The following GSE1 variants were observed in gnomAD, a reference collection of about 807,000 sequenced individuals.
GSE1 encodes the protein Gse1 coiled-coil protein, also known as genetic suppressor element 1.
Under a neutral mutation model 112.6 loss-of-function variants are expected in GSE1, and 32 were observed. The ratio of observed to expected loss-of-function variants is 0.28; its 90% confidence interval spans 0.21 to 0.38. The LOEUF is 0.38. Among genes scored for constraint, GSE1 ranks in the 10% least tolerant of loss-of-function variants. The pLI, the probability that GSE1 is intolerant of heterozygous loss-of-function variation, is 1.00. For synonymous variants in GSE1, 1,115 were observed against 735.6 expected (o/e 1.52, Z -8.35); for missense variants, 2,348 against 1,699.2 (o/e 1.38, Z -6.71).
intron 2 of GSE1, among the ~76,000 whole-genome samples, chr16:85,402,291 G>T (rs920729923): frequency 6.6e-6 from 1 of 152,228 alleles, no homozygotes. Context: ...AACCCAAGAC[G>T]CTGAGAAGCT....
At position 85,421,239 on chromosome 16, in the gene GSE1, T is replaced by C. The variant is rs532105084; in HGVS notation, c.2464+63596T>C. Among the ~76,000 whole-genome samples, 5 of 151,408 alleles carry C rather than the reference T, an allele frequency of 3.3e-5. No individual in the cohort carries two copies. In the South Asian group the frequency reaches 1.0e-3, roughly 32 times the overall value. ...TGGACGGGGACCCCCGCCAGCGATT[T>C]GGGCCCAAGACTGGGGTCCCTGGGG... On this transcript the variant is annotated intron_variant, in intron 2 of 2. Coordinates refer to the GSE1 transcript ENST00000637419.
intron 1 of GSE1, among the ~76,000 whole-genome samples, chr16:85,268,018 A>G (rs1307145482): frequency 6.6e-6 from 1 of 152,172 alleles, no homozygotes; most frequent in Non-Finnish European, 1.5e-5. Flanking sequence ...CAAGAGCTCA[A>G]GTCACTGCCT....
At chr16:85,174,504 A>G (rs917861721) in intron 1 of GSE1, among the ~76,000 whole-genome samples, 1 of 152,218 alleles carries the variant, frequency 6.6e-6, no homozygotes, top group Non-Finnish European at 1.5e-5. Context: ...CCGGAAATGC[A>G]GCCTTCTGGT....
At chr16:85,480,412 C>G (rs371174590) in intron 2 of GSE1, among the ~76,000 whole-genome samples, 2 of 152,200 alleles carry the variant, frequency 1.3e-5, no homozygotes, top group Admixed American at 6.5e-5. Flanking sequence ...GCCTCCACCC[C>G]CCTCTGCCTG....
intron 2 of GSE1, among the ~76,000 whole-genome samples, chr16:85,637,922 G>A (rs1243009965): frequency 2.0e-5 from 3 of 152,202 alleles, no homozygotes; most frequent in African/African-American, 7.2e-5. Flanking sequence ...TGGGCAGAGG[G>A]GGCAGGGATG....
chr16:85,319,977 C>T (rs1370922748), intron 1 of GSE1, among the ~76,000 whole-genome samples: 3 of 152,204 alleles, frequency 2.0e-5, no homozygotes, highest in Admixed American at 1.3e-4. Context: ...ACTGGGGCTG[C>T]GCCTACCCAG....
At chr16:85,607,526 G>A (rs1278780541), upstream of GSE1, among the ~76,000 whole-genome samples, 2 of 152,228 alleles carry the variant, frequency 1.3e-5, no homozygotes, top group Non-Finnish European at 2.9e-5. Context: ...GGCGCTGAGA[G>A]GGCAGGAAGT....
At chr16:85,417,985 T>C (rs1172445149) in intron 2 of GSE1, among the ~76,000 whole-genome samples, 1 of 152,022 alleles carries the variant, frequency 6.6e-6, no homozygotes, top group Non-Finnish European at 1.5e-5. Flanking sequence ...ATTACAGGGG[T>C]CTGCCACCAT....
At chr16:85,666,588 G>A in intron 13 of GSE1, 1 of 558,524 alleles carries the variant, frequency 1.8e-6, no homozygotes, top group East Asian at 3.1e-5. Context: ...GCTGTGCTGT[G>A]AGCAGGGACG....
At chr16:85,551,043 G>A (rs545253579), upstream of GSE1, among the ~76,000 whole-genome samples, 47 of 152,286 alleles carry the variant, frequency 3.1e-4, no homozygotes, top group Admixed American at 7.8e-4. Context: ...TTTCAGGGAG[G>A]TGCGGGGTGA....
At chr16:85,191,061 C>A (rs998471184) in intron 1 of GSE1, among the ~76,000 whole-genome samples, 9 of 152,212 alleles carry the variant, frequency 5.9e-5, no homozygotes, top group African/African-American at 1.9e-4. Context: ...GAGTTCGACA[C>A]CAGCCTGGCC....
At chr16:85,450,652 T>C (rs2049652090) in intron 2 of GSE1, among the ~76,000 whole-genome samples, 1 of 151,524 alleles carries the variant, frequency 6.6e-6, no homozygotes, top group African/African-American at 2.4e-5. Flanking sequence ...GGTTTCACCA[T>C]CTTGGCCAGG....
chr16:85,412,791 A>T (rs2048608016), intron 2 of GSE1, among the ~76,000 whole-genome samples: 1 of 152,200 alleles, frequency 6.6e-6, no homozygotes, highest in Non-Finnish European at 1.5e-5. Context: ...TGACCTCTCC[A>T]GTGCAACTGT....
At chr16:85,395,867 A>G (rs1597592598) in intron 2 of GSE1, among the ~76,000 whole-genome samples, 1 of 113,918 alleles carries the variant, frequency 8.8e-6, no homozygotes, top group Non-Finnish European at 1.7e-5. Context: ...AGAGATGGGG[A>G]GAGAAGAAAA....
chr16:85,375,744 G>C (rs1454338047), intron 2 of GSE1, among the ~76,000 whole-genome samples: 2 of 131,792 alleles, frequency 1.5e-5, no homozygotes, highest in African/African-American at 5.6e-5. Flanking sequence ...AGGCCTGCCT[G>C]TCTCTCCCGG....
At chr16:85,576,375 C>T (rs765790143) in intron 1 of GSE1, among the ~76,000 whole-genome samples, 1 of 152,188 alleles carries the variant, frequency 6.6e-6, no homozygotes, top group Non-Finnish European at 1.5e-5. Flanking sequence ...TAACGAAGGA[C>T]TTTGAAATGA....
rs182638264 is a variant in GSE1, at chr16:85,409,897, T to A, written c.2464+52254T>A. ...CCCCCTGGATAATCCTCACTGTTACTCTCAGGCCCCCCCGGATAATCCTCA... is the reference window on the plus strand; with the variant it reads ...CCCCCTGGATAATCCTCACTGTTACACTCAGGCCCCCCCGGATAATCCTCA... On this transcript the variant is annotated intron_variant, in intron 2 of 2. Transcript: ENST00000637419. 2.6e-3 allele frequency among the ~76,000 whole-genome samples: 6 copies of A among 2,336 alleles called. 1 individual carries two copies. The highest frequency in any genetic ancestry group is 4.9e-3 in the Non-Finnish European group (5 of 1,030). The allele number at this position is 2,336 out of a possible 152,430, so 1.5% of individuals were successfully genotyped here.
At chr16:85,590,191 T>C (rs568848685) in intron 1 of GSE1, among the ~76,000 whole-genome samples, 2 of 151,936 alleles carry the variant, frequency 1.3e-5, no homozygotes, top group Admixed American at 6.5e-5. Context: ...TGTCACTGAA[T>C]GAATGTGTGT....
intron 12 of GSE1, among the ~76,000 whole-genome samples, chr16:85,665,422 C>T (rs2052763459): frequency 6.6e-6 from 1 of 152,226 alleles, no homozygotes; most frequent in African/African-American, 2.4e-5. Flanking sequence ...CAGAGGCTCA[C>T]ATGGAGGCCA....
Sources: gnomAD v4.1 joint callset for allele counts (sites outside exome capture counted in the v4.1 genomes callset) on GRCh38, gnomAD v4.1.1 for gene constraint, MANE v1.5 for transcripts, NCBI Gene and HGNC (gene_info 2026-07-23, HGNC 2026-07-21) for gene names.